DNMT3A: variants seen among roughly 807,000 people sequenced by gnomAD.
DNMT3A encodes DNA methyltransferase 3 alpha.
DNMT3A carries 267 observed loss-of-function variants against 117.6 expected under a neutral mutation model. The ratio of observed to expected loss-of-function variants is 2.27; its 90% CI spans 2.05 to 2.51. The LOEUF is 2.51. Among genes scored for constraint, DNMT3A ranks in the 30% most tolerant of loss-of-function variants. The pLI is 0.00. For missense variants in DNMT3A, 1,029 were observed against 1,260.2 expected (o/e 0.82, Z 2.78); for synonymous variants, 432 against 474.8 (o/e 0.91, Z 1.17).
chr2:25,314,451 A>G, intron 1 of DNMT3A: 1 of 985,138 alleles, frequency 1.0e-6, no homozygotes. Flanking sequence ...CCTTCTCTTC[A>G]TTCACAGCCT....
In DNMT3A at chr2:25,252,885, G is replaced by C. The variant is rs1029679604; in HGVS notation, c.640-4633C>G. Among the ~76,000 whole-genome samples the C allele has an allele frequency of 6.6e-6, 1 of 152,102 alleles. No individual in the cohort carries two copies. The highest frequency in any genetic ancestry group is 1.5e-5 in the Non-Finnish European group (1 of 67,998). ...GCAGGCATTGGGAGCGCTCCAGATCGGGGATTGTTTGGGGGGTCTCCCGCC... is the reference window on the plus strand; with the variant it reads ...GCAGGCATTGGGAGCGCTCCAGATCCGGGATTGTTTGGGGGGTCTCCCGCC... On this transcript the variant is annotated intron_variant, in intron 6 of 22. Transcript: ENST00000321117. The surrounding 1 kb of genome is among the most constrained non-coding windows in gnomAD (Gnocchi z 5.5).
At chr2:25,314,801 TC>T in intron 1 of DNMT3A, 1 of 731,998 alleles carries the variant, frequency 1.4e-6, no homozygotes, top group Non-Finnish European at 1.7e-6. Context: ...GGCTGCTCTC[TC>T]CCCCACCCCA....
Position 25,337,238 on chromosome 2 carries a change from C to T in DNMT3A, c.-178+4588G>A, listed in dbSNP as rs1339258174. ...TGTCGCTGAGAAGCCTCCCACCTCC[C>T]AGGATTTTTAATCAGAATCGGCACT... On this transcript the variant is annotated intron_variant, in intron 1 of 22. Coordinates refer to ENST00000321117, the MANE Select transcript of DNMT3A (RefSeq NM_022552.5). The surrounding 1 kb of genome is among the most constrained non-coding windows in gnomAD (Gnocchi z 5.0). 2.0e-5 allele frequency among the ~76,000 whole-genome samples: 3 copies of T among 152,166 alleles called. No individual in the cohort carries two copies. The highest frequency in any genetic ancestry group is 4.4e-5 in the Non-Finnish European group (3 of 68,036).
intron 1 of DNMT3A, among the ~76,000 whole-genome samples, chr2:25,341,441 C>A (rs2035445836): frequency 6.9e-6 from 1 of 145,760 alleles, no homozygotes; most frequent in Non-Finnish European, 1.5e-5. Context: ...GGCCGGGGCC[C>A]CTGCGGCAGC....
Position 25,247,965 on chromosome 2 carries a change from G to A in DNMT3A, c.855+72C>T. 2.5e-6 allele frequency: 4 copies of A among 1,598,258 alleles called. No individual in the cohort carries two copies. Among genetic ancestry groups the A allele is most frequent in the South Asian group, 1.1e-5 (1 of 90,118 alleles). ...GCCCGTGGGAGATGGAGAGAGGAGA[G>A]CAGGACGGGAGGAGCTGGCAGTGGA... On this transcript the variant is annotated intron_variant, in intron 7 of 22. Transcript: ENST00000321117. The surrounding 1 kb of genome is among the most constrained non-coding windows in gnomAD (Gnocchi z 5.6).
rs1017617114 is a variant in DNMT3A, at chr2:25,227,986, G to C, written c.*6293C>G. ...GCACAAAAAAAAATGTGATGAAGGC[G>C]GAACTGACAGACTTTCTACATCTGT... is the stretch of plus-strand genomic sequence containing the variant. On this transcript the variant is annotated 3_prime_UTR_variant, in exon 23 of 23. Coordinates refer to ENST00000321117, the MANE Select transcript of DNMT3A (RefSeq NM_022552.5). 6.6e-6 allele frequency: 1 copy of C among 151,598 alleles called. No individual in the cohort carries two copies. The highest frequency in any genetic ancestry group is 1.5e-5 in the Non-Finnish European group (1 of 67,924). 9.4% of individuals were successfully genotyped at this position (151,598 alleles called of 1,614,324 possible).
intron 3 of DNMT3A, among the ~76,000 whole-genome samples, chr2:25,289,453 C>G (rs2032583948): frequency 6.6e-6 from 1 of 152,200 alleles, no homozygotes; most frequent in African/African-American, 2.4e-5. Context: ...GCATCCCACA[C>G]AGGACTGGGC....
intron 4 of DNMT3A, among the ~76,000 whole-genome samples, chr2:25,279,958 TAG>T (rs2031763244): frequency 6.6e-6 from 1 of 152,162 alleles, no homozygotes; most frequent in African/African-American, 2.4e-5. Flanking sequence ...CCCAAAGTGC[TAG>T]GATTACCAGC....
rs532173040 is a variant in DNMT3A, at chr2:25,337,318, T to C, written c.-178+4508A>G. Among the ~76,000 whole-genome samples, 1 of 152,324 alleles carries C rather than the reference T, an allele frequency of 6.6e-6. No homozygotes were observed. The highest frequency in any genetic ancestry group is 1.5e-5 in the Non-Finnish European group (1 of 68,026). On this transcript the variant is annotated intron_variant, in intron 1 of 22. Transcript: ENST00000321117. The surrounding 1 kb of genome is among the most constrained non-coding windows in gnomAD (Gnocchi z 5.0). ...ACACAGGAAGGTGGACGAGGCTTCT[T>C]AGAGCACTTCCTGCAGTGCTAGTCC... is the stretch of plus-strand genomic sequence containing the variant.
intron 16 of DNMT3A, among the ~76,000 whole-genome samples, chr2:25,242,283 T>G (rs1180563514): frequency 6.6e-6 from 1 of 151,980 alleles, no homozygotes. Flanking sequence ...AGAGGAGGCC[T>G]CCTTCATTGT....
chr2:25,237,077 C>T lies in DNMT3A; in HGVS notation c.2409-72G>A. Reference sequence around the variant, plus strand: ...CGGGAAGGGCCCCAGCTGCACGACTCCCCTCCCTCCCCCAGCAGCCACTAG... The same window carrying T: ...CGGGAAGGGCCCCAGCTGCACGACTTCCCTCCCTCCCCCAGCAGCCACTAG... On this transcript the variant is annotated intron_variant, in intron 20 of 22. Coordinates refer to ENST00000321117, the MANE Select transcript of DNMT3A (RefSeq NM_022552.5). The surrounding 1 kb of genome is among the most constrained non-coding windows in gnomAD (Gnocchi z 5.4). 6.9e-7 allele frequency: 1 copy of T among 1,456,550 alleles called. No homozygotes were observed. 90.2% of individuals were successfully genotyped at this position (1,456,550 alleles called of 1,614,324 possible).
intron 6 of DNMT3A, among the ~76,000 whole-genome samples, chr2:25,253,494 TGGGTA>T (rs1675835525): frequency 6.6e-6 from 1 of 151,828 alleles, no homozygotes; most frequent in Admixed American, 6.6e-5. Context: ...TGAGGTGAGA[TGGGTA>T]GGATGAGCAA....
intron 3 of DNMT3A, among the ~76,000 whole-genome samples, chr2:25,284,856 A>G (rs2032182379): frequency 6.6e-6 from 1 of 152,036 alleles, no homozygotes; most frequent in Non-Finnish European, 1.5e-5. Context: ...GTATTCATAT[A>G]CACATTCAGA....
In DNMT3A at chr2:25,282,160, T is replaced by G. The variant is rs1267788062; in HGVS notation, c.448+281A>C. 4 of 1,208,400 alleles carry G rather than the reference T, an allele frequency of 3.3e-6. No individual in the cohort carries two copies. In the African/African-American group the frequency reaches 6.4e-5, roughly 19 times the overall value. The allele number at this position is 1,208,400 out of a possible 1,614,324, so 74.9% of individuals were successfully genotyped here. Reference sequence around the variant, plus strand: ...CCGCTGTTGCCAGATCTAGCTTTTTTTTTTTTCATGAGAAGCCAAAACTCC... The same window carrying G: ...CCGCTGTTGCCAGATCTAGCTTTTTGTTTTTTCATGAGAAGCCAAAACTCC... On this transcript the variant is annotated intron_variant, in intron 4 of 22. Coordinates refer to ENST00000321117, the MANE Select transcript of DNMT3A (RefSeq NM_022552.5). The surrounding 1 kb of genome is among the most constrained non-coding windows in gnomAD (Gnocchi z 5.2).
In DNMT3A at chr2:25,244,662, A is replaced by T. The variant is rs1401218968; in HGVS notation, c.1555-10T>A. ...ACTCCAGAAAGCAGTTCTAGACAGC[A>T]GCGGGAAGGGTCAGAAACCACCAGG... On this transcript the variant is annotated splice_polypyrimidine_tract_variant and intron_variant, in intron 13 of 22. Transcript: ENST00000321117. 7 of 1,613,292 alleles carry T rather than the reference A, an allele frequency of 4.3e-6. No individual in the cohort carries two copies. The highest frequency in any genetic ancestry group is 1.3e-5 in the African/African-American group (1 of 75,040).
chr2:25,340,136 C>T (rs892748336), intron 1 of DNMT3A, among the ~76,000 whole-genome samples: 3 of 152,046 alleles, frequency 2.0e-5, no homozygotes, highest in Non-Finnish European at 4.4e-5. Context: ...CTCGGCCCTG[C>T]CCACCCTCCC....
rs560937941 is a variant in DNMT3A at position 25,234,089 on chromosome 2, T to C, written c.*190A>G. The C allele has an allele frequency of 1.8e-5, 14 of 782,878 alleles. No individual in the cohort carries two copies. The South Asian group carries it at 3.6e-4, about 20-fold the overall frequency. 48.5% of individuals were successfully genotyped at this position (782,878 alleles called of 1,614,324 possible). ...ATAACATTGAAAAATCAGGAGATGA[T>C]GTCCAACCCTTTTCGCAAGGCAAAG... is the stretch of plus-strand genomic sequence containing the variant. On this transcript the variant is annotated 3_prime_UTR_variant, in exon 23 of 23. Coordinates refer to ENST00000321117, the MANE Select transcript of DNMT3A (RefSeq NM_022552.5). This position sits in a 1 kb window ranked among gnomAD's most constrained non-coding sequence, Gnocchi z 4.5.
At chr2:25,264,408 GGGATTACA>G (rs2030056245) in intron 6 of DNMT3A, among the ~76,000 whole-genome samples, 1 of 152,008 alleles carries the variant, frequency 6.6e-6, no homozygotes, top group Middle Eastern at 3.4e-3. Flanking sequence ...CCACAGTGTT[GGGATTACA>G]GGCGTGAGCC....
intron 2 of DNMT3A, among the ~76,000 whole-genome samples, chr2:25,302,492 G>A (rs2033575308): frequency 6.6e-6 from 1 of 152,230 alleles, no homozygotes; most frequent in African/African-American, 2.4e-5. Flanking sequence ...GGAGGGAGAG[G>A]CCAGCCCCGA....
Sources: allele counts gnomAD v4.1 joint callset (sites outside exome capture counted in the v4.1 genomes callset), GRCh38; gene constraint gnomAD v4.1.1; non-coding constraint Gnocchi (gnomAD v3.1); transcripts MANE v1.5; gene names NCBI Gene and HGNC (gene_info 2026-07-23, HGNC 2026-07-21).